GRSF1: variants seen among roughly 807,000 people sequenced by gnomAD.
The protein encoded by GRSF1 is G-rich RNA sequence binding factor 1.
A neutral mutation model predicts 51.1 loss-of-function variants in GRSF1; 50 were observed. The observed-to-expected ratio is 0.98, with a 90% CI of 0.78 to 1.24. GRSF1 has a LOEUF of 1.24. Ranked by LOEUF, GRSF1 falls within the 50% of genes most tolerant of loss-of-function variation. The probability of loss-of-function intolerance (pLI) is 0.00; values close to 1 mark genes in which losing one functional copy is unlikely to be tolerated. For synonymous variants in GRSF1, 293 were observed against 253.3 expected (o/e 1.16, Z -1.49); for missense variants, 700 against 639.7 (o/e 1.09, Z -1.02).
chr4:70,829,933 G>A (rs141632821), intron 5 of GRSF1, among the ~76,000 whole-genome samples: 11 of 151,986 alleles, frequency 7.2e-5, no homozygotes, highest in South Asian at 4.1e-4. Flanking sequence ...AAAAATTAAC[G>A]AAACAGTGAT....
intron 1 of GRSF1, among the ~76,000 whole-genome samples, chr4:70,838,312 G>A (rs1734305367): frequency 6.6e-6 from 1 of 151,130 alleles, no homozygotes; most frequent in African/African-American, 2.4e-5. Context: ...AGATATCACC[G>A]CAGTCAATTT....
intron 7 of GRSF1, 40 bp downstream of exon 7, chr4:70,826,084 G>A (rs546689991): frequency 6.6e-5 from 102 of 1,557,170 alleles, no homozygotes; most frequent in Non-Finnish European, 8.7e-5. Flanking sequence ...TAGAACTTTT[G>A]TTCAAATCTA....
chr4:70,830,890 A>G (rs1359812767), intron 5 of GRSF1, among the ~76,000 whole-genome samples: 1 of 152,210 alleles, frequency 6.6e-6, no homozygotes, highest in African/African-American at 2.4e-5. Context: ...TAGATAATAT[A>G]CTATTGCTAA....
intron 8 of GRSF1, among the ~76,000 whole-genome samples, chr4:70,824,614 T>C (rs1733659472): frequency 6.6e-6 from 1 of 151,432 alleles, no homozygotes; most frequent in African/African-American, 2.4e-5. Context: ...CGAAACCCCA[T>C]CTCTACTAAA....
chr4:70,825,459 G>A (rs1464832652), intron 7 of GRSF1, 28 bp from the exon 8 acceptor site: 45 of 1,588,418 alleles, frequency 2.8e-5, no homozygotes, highest in Non-Finnish European at 3.5e-5. Context: ...GCAGTCAAGA[G>A]GAACATGATG....
chr4:70,825,300 G>C lies in GRSF1; in HGVS notation c.1389C>G (p.His463Gln), dbSNP rs377631575. Residue 463 changes from histidine (H) to glutamine (Q), a missense_variant, in exon 8 of 10, where the codon CAC becomes CAG. Transcript: ENST00000254799. The part of the protein sequence containing the change: ...AVAAMLKDRS[H>Q]VHHRYIELFL... ...AAAGCCAAAGGCAGGACTTACGAAC[G>C]TGGGACCGATCCTTGAGCATCGCTG... 1 of 1,603,662 alleles carries C rather than the reference G, an allele frequency of 6.2e-7. No individual in the cohort carries two copies. Among genetic ancestry groups the C allele is most frequent in the South Asian group, 1.1e-5 (1 of 89,922 alleles).
upstream of GRSF1, among the ~76,000 whole-genome samples, chr4:70,843,001 C>T (rs981967406): frequency 2.0e-5 from 3 of 152,080 alleles, no homozygotes; most frequent in East Asian, 1.9e-4. Context: ...GAGCTGAGAC[C>T]GCACCACTGC....
At chr4:70,835,825 T>C (rs573442449) in intron 2 of GRSF1, among the ~76,000 whole-genome samples, 1 of 152,352 alleles carries the variant, frequency 6.6e-6, no homozygotes, top group African/African-American at 2.4e-5. Context: ...CTCACAGTGT[T>C]GCCCAGTGTG....
rs767232395 is a variant in GRSF1, at chr4:70,825,439, A to G, written c.1258-8T>C. 7.5e-6 allele frequency: 12 copies of G among 1,597,582 alleles called. No homozygotes were observed. The Admixed American group carries it at 1.2e-4, about 16-fold the overall frequency. On this transcript the variant is annotated splice_polypyrimidine_tract_variant and splice_region_variant and intron_variant, in intron 7 of 9. Transcript: ENST00000254799. ...CTTGAGTGGAGCAAAAAACTAAACG[A>G]CAAACAAAGGCAGTCAAGAGGAACA... is the stretch of plus-strand genomic sequence containing the variant.
In GRSF1 at chr4:70,825,316, A is replaced by C; in HGVS notation, c.1373T>G (p.Leu458Arg). ...CTTACGAACGTGGGACCGATCCTTG[A>C]GCATCGCTGCAACAGCATCCTCATG... is the stretch of plus-strand genomic sequence containing the variant. The part of the protein sequence containing the change: ...ETHEDAVAAM[L>R]KDRSHVHHRY... Residue 458 changes from leucine to arginine, a missense_variant, in exon 8 of 10, where the codon CTC (leucine) becomes CGC (arginine). Coordinates refer to ENST00000254799, the MANE Select transcript of GRSF1 (RefSeq NM_002092.4). 1 of 1,608,706 alleles carries C rather than the reference A, an allele frequency of 6.2e-7. No homozygotes were observed. Among genetic ancestry groups the C allele is most frequent in the South Asian group, 1.1e-5 (1 of 90,498 alleles).
At chr4:70,841,465 G>T (rs1324639476), upstream of GRSF1, among the ~76,000 whole-genome samples, 1 of 152,110 alleles carries the variant, frequency 6.6e-6, no homozygotes, top group African/African-American at 2.4e-5. Context: ...CAAGCAAAAG[G>T]AAGTTGTTAG....
chr4:70,830,587 G>A (rs1733922493), intron 5 of GRSF1, among the ~76,000 whole-genome samples: 1 of 152,136 alleles, frequency 6.6e-6, no homozygotes, highest in Non-Finnish European at 1.5e-5. Flanking sequence ...TGGAGGCCGA[G>A]GTGGGTGAAT....
rs369348124 is a variant in GRSF1 at position 70,824,359 on chromosome 4, T to C, written c.1403A>G (p.Tyr468Cys). 6.2e-6 allele frequency: 9 copies of C among 1,458,918 alleles called. No individual in the cohort carries two copies. In the Middle Eastern group the frequency reaches 6.9e-4, roughly 112 times the overall value. 90.4% of individuals were successfully genotyped at this position (1,458,918 alleles called of 1,614,324 possible). ...LKDRSHVHHRYIELFLNSCPK... is the reference protein window; with the variant it reads ...LKDRSHVHHRCIELFLNSCPK... ...ACATGAATTCAGGAACAGTTCAATA[T>C]ACCTATGATCTGAGGATAATGAGAA... The change falls in exon 9 of 10, where the codon TAT becomes TGT. Residue 468 changes from tyrosine to cysteine, a missense_variant. Transcript: ENST00000254799.
In GRSF1 at chr4:70,821,197, C is replaced by T. The variant is rs766191698; in HGVS notation, c.*26-336G>A. Among the ~76,000 whole-genome samples, 299 of 152,232 alleles carry T rather than the reference C, an allele frequency of 2.0e-3. 2 individuals are homozygous for T. The highest frequency in any genetic ancestry group is 6.8e-3 in the Middle Eastern group (2 of 294). ...ATCCCAGCACTTTGGGAGGTTGAGG[C>T]GGGCAGATCAGCTGAGGTCAGGAGT... On this transcript the variant is annotated intron_variant, in intron 9 of 9. Coordinates refer to ENST00000254799, the MANE Select transcript of GRSF1 (RefSeq NM_002092.4).
At chr4:70,827,457 C>T (rs936114791) in intron 6 of GRSF1, among the ~76,000 whole-genome samples, 3 of 152,020 alleles carry the variant, frequency 2.0e-5, no homozygotes, top group African/African-American at 7.2e-5. Context: ...AATAATTAAG[C>T]CTTTCTGCAT....
rs1009965434 is a variant in GRSF1, at chr4:70,839,388, C to G, written c.357+83G>C. 4.0e-6 allele frequency: 6 copies of G among 1,508,438 alleles called. No individual in the cohort carries two copies. In the African/African-American group the frequency reaches 7.0e-5, roughly 18 times the overall value. 93.4% of individuals were successfully genotyped at this position (1,508,438 alleles called of 1,614,324 possible). A position where few individuals can be genotyped will look rare whatever the true frequency, so the allele number is the denominator to read the frequency against. Reference sequence around the variant, plus strand: ...TCCCCGGGCGTGCCCGCGAGGCGCACACGGAGGGACGGAGGGGCGCGGGGG... The same window carrying G: ...TCCCCGGGCGTGCCCGCGAGGCGCAGACGGAGGGACGGAGGGGCGCGGGGG... On this transcript the variant is annotated intron_variant, in intron 1 of 9. Transcript: ENST00000254799.
chr4:70,830,400 AT>A (rs199709337), intron 5 of GRSF1, among the ~76,000 whole-genome samples: 2,155 of 151,318 alleles, frequency 0.014, 20 homozygotes, highest in Non-Finnish European at 0.023. Context: ...AGCTATCATC[AT>A]GCCACTGCAC....
chr4:70,839,390 C>T lies in GRSF1; in HGVS notation c.357+81G>A. On this transcript the variant is annotated intron_variant, in intron 1 of 9. Transcript: ENST00000254799. ...CCCGGGCGTGCCCGCGAGGCGCACA[C>T]GGAGGGACGGAGGGGCGCGGGGGCG... 2.7e-6 allele frequency: 4 copies of T among 1,491,298 alleles called. No individual in the cohort carries two copies. In the South Asian group the frequency reaches 4.9e-5, roughly 18 times the overall value. The allele number at this position is 1,491,298 out of a possible 1,614,324, so 92.4% of individuals were successfully genotyped here.
chr4:70,825,539 C>T (rs534597893), intron 7 of GRSF1, 108 bp from the exon 8 acceptor site: 1 of 736,700 alleles, frequency 1.4e-6, no homozygotes, highest in Non-Finnish European at 2.1e-6. Flanking sequence ...ACACTTGATA[C>T]ATTTCTTTTT....
Sources: allele counts gnomAD v4.1 joint callset (sites outside exome capture counted in the v4.1 genomes callset), GRCh38; gene constraint gnomAD v4.1.1; transcripts MANE v1.5; gene names NCBI Gene and HGNC (gene_info 2026-07-23, HGNC 2026-07-21).